LAMA4: variants seen among roughly 807,000 people sequenced by gnomAD.
LAMA4 encodes laminin subunit alpha 4.
LAMA4 carries 127 observed loss-of-function variants against 207.1 expected under a neutral mutation model. That is an observed-to-expected ratio of 0.61 (90% CI 0.53 to 0.71). LAMA4 has a LOEUF of 0.71. Ranked by LOEUF, LAMA4 falls within the 30% of genes least tolerant of loss-of-function variation. The probability of loss-of-function intolerance (pLI) is 0.00; values close to 1 mark genes in which losing one functional copy is unlikely to be tolerated. For missense variants in LAMA4, 2,093 were observed against 2,246.5 expected (o/e 0.93, Z 1.38); for synonymous variants, 761 against 816.0 (o/e 0.93, Z 1.15).
At chr6:112,175,671 G>A (rs1448241412) in intron 10 of LAMA4, among the ~76,000 whole-genome samples, 191 bp from the exon 11 acceptor site, 8 of 152,204 alleles carry the variant, frequency 5.3e-5, no homozygotes, top group Admixed American at 3.3e-4. Flanking sequence ...TCTATTCCAC[G>A]AAGGAGAAAG....
intron 31 of LAMA4, 67 bp from the exon 32 acceptor site, chr6:112,122,268 C>T: frequency 8.8e-7 from 1 of 1,137,914 alleles, no homozygotes. Context: ...TTTGTGATGT[C>T]CTCATCATTA....
chr6:112,155,354 C>G (rs1379854326), intron 15 of LAMA4: 2 of 601,314 alleles, frequency 3.3e-6, no homozygotes, highest in East Asian at 5.6e-5. Flanking sequence ...GTCAAAGGAA[C>G]TGGCATTTGC....
chr6:112,246,748 C>T (rs1786971497), intron 2 of LAMA4, among the ~76,000 whole-genome samples: 1 of 152,158 alleles, frequency 6.6e-6, no homozygotes, highest in Non-Finnish European at 1.5e-5. Context: ...TCTTGAACTC[C>T]TGACTTTGTG....
intron 18 of LAMA4, among the ~76,000 whole-genome samples, chr6:112,146,311 A>G (rs1420726524): frequency 2.6e-5 from 4 of 151,950 alleles, no homozygotes; most frequent in South Asian, 2.1e-4. Context: ...AGCACCAGTC[A>G]TAAGAATACA....
intron 5 of LAMA4, among the ~76,000 whole-genome samples, chr6:112,198,231 A>T (rs1554351123): frequency 6.6e-6 from 1 of 152,132 alleles, no homozygotes; most frequent in African/African-American, 2.4e-5. Context: ...AGGGCTCAGG[A>T]ATCCAAAGTT....
In LAMA4 at chr6:112,126,558, A is replaced by G. The variant is rs570846577; in HGVS notation, c.4287+2364T>C. On this transcript the variant is annotated intron_variant, in intron 31 of 38. Coordinates refer to ENST00000230538, the MANE Select transcript of LAMA4 (RefSeq NM_001105206.3). ...GTTAACATTGATAAAGCAGTCATGT[A>G]TGAACAAAGGAGAAGTTTCAAGAGG... Among the ~76,000 whole-genome samples, 6 of 152,356 alleles carry G rather than the reference A, an allele frequency of 3.9e-5. No homozygotes were observed. In the South Asian group the frequency reaches 1.0e-3, roughly 26 times the overall value.
chr6:112,122,248 CA>C (rs1562631636), intron 31 of LAMA4, 47 bp from the exon 32 acceptor site: 3 of 1,428,292 alleles, frequency 2.1e-6, no homozygotes, highest in East Asian at 2.3e-5. Context: ...ATACTAGCAG[CA>C]AAAAGTAATT....
intron 2 of LAMA4, 156 bp from the exon 3 acceptor site, chr6:112,216,625 A>T: frequency 1.5e-6 from 1 of 667,952 alleles, no homozygotes. Flanking sequence ...AAAATAAACT[A>T]TTTATACTAC....
At chr6:112,217,782 T>C (rs1784713350) in intron 2 of LAMA4, 1 of 152,194 alleles carries the variant, frequency 6.6e-6, no homozygotes, top group African/African-American at 2.4e-5. Context: ...AATTTATAAT[T>C]TTTTAATGGA....
chr6:112,192,365 T>C (rs1459101711), intron 5 of LAMA4, among the ~76,000 whole-genome samples: 1 of 152,238 alleles, frequency 6.6e-6, no homozygotes, highest in Admixed American at 6.5e-5. Flanking sequence ...GCTTGGGCTC[T>C]TGTTTGAGGG....
chr6:112,204,370 G>C (rs1358155095), intron 4 of LAMA4, among the ~76,000 whole-genome samples: 1 of 151,836 alleles, frequency 6.6e-6, no homozygotes, highest in Non-Finnish European at 1.5e-5. Context: ...AGGTAATTTA[G>C]ATAAGAAAGT....
At chr6:112,157,351 T>C (rs1435231159) in intron 14 of LAMA4, among the ~76,000 whole-genome samples, 1 of 152,212 alleles carries the variant, frequency 6.6e-6, no homozygotes, top group African/African-American at 2.4e-5. Context: ...ACTAACTCAG[T>C]ATTCAAATTA....
intron 13 of LAMA4, chr6:112,162,075 G>C (rs1001543360): frequency 6.6e-6 from 1 of 152,268 alleles, no homozygotes; most frequent in African/African-American, 2.4e-5. Context: ...GGACAAGAGT[G>C]GAGACAGTTG....
chr6:112,199,057 C>A (rs551095000), intron 5 of LAMA4, among the ~76,000 whole-genome samples: 3 of 152,288 alleles, frequency 2.0e-5, no homozygotes, highest in African/African-American at 7.2e-5. Context: ...CTTTCCAAAC[C>A]AGTGCTCTTG....
intron 24 of LAMA4, among the ~76,000 whole-genome samples, chr6:112,138,906 T>C (rs1779512142): frequency 6.6e-6 from 1 of 152,210 alleles, no homozygotes; most frequent in Non-Finnish European, 1.5e-5. Flanking sequence ...AGTTTATTTA[T>C]ATCCAAAAAT....
At chr6:112,119,742 T>C (rs1778236893) in intron 33 of LAMA4, among the ~76,000 whole-genome samples, 1 of 152,218 alleles carries the variant, frequency 6.6e-6, no homozygotes, top group Admixed American at 6.5e-5. Context: ...CCATGTTCTC[T>C]ATGAAGCTTT....
At chr6:112,171,347 T>G (rs1049829687) in intron 12 of LAMA4, among the ~76,000 whole-genome samples, 1 of 152,126 alleles carries the variant, frequency 6.6e-6, no homozygotes, top group Non-Finnish European at 1.5e-5. Flanking sequence ...GATAAGCACA[T>G]GCAGTTGCAG....
At position 112,139,963 on chromosome 6, in the gene LAMA4, A is replaced by T. The variant is rs1779592003; in HGVS notation, c.2977-78T>A. ...ACATCACAGAACAGACAATGCAACT[A>T]ATAGTAGGTCAAGGAGACCTACCCC... On this transcript the variant is annotated intron_variant, in intron 22 of 38. Coordinates refer to ENST00000230538, the MANE Select transcript of LAMA4 (RefSeq NM_001105206.3). 1.3e-5 allele frequency: 19 copies of T among 1,446,344 alleles called. No individual in the cohort carries two copies. The South Asian group carries it at 2.2e-4, about 17-fold the overall frequency. The allele number at this position is 1,446,344 out of a possible 1,614,324, so 89.6% of individuals were successfully genotyped here. A position where few individuals can be genotyped will look rare whatever the true frequency, so the allele number is the denominator to read the frequency against.
chr6:112,217,466 C>G (rs1189340702), intron 2 of LAMA4, among the ~76,000 whole-genome samples: 1 of 152,126 alleles, frequency 6.6e-6, no homozygotes. Context: ...ACATCATACA[C>G]CCCCATTGAC....
Sources: allele counts gnomAD v4.1 joint callset (sites outside exome capture counted in the v4.1 genomes callset), GRCh38; gene constraint gnomAD v4.1.1; transcripts MANE v1.5; gene names NCBI Gene and HGNC (gene_info 2026-07-23, HGNC 2026-07-21).